PIEZO2: variants seen among roughly 807,000 people sequenced by gnomAD.
PIEZO2 encodes piezo-type mechanosensitive ion channel component 2.
Under a neutral mutation model 337.3 loss-of-function variants are expected in PIEZO2, and 172 were observed. The ratio of observed to expected loss-of-function variants is 0.51; its 90% CI spans 0.45 to 0.58. PIEZO2 has a LOEUF of 0.58. Among genes scored for constraint, PIEZO2 ranks in the 20% least tolerant of loss-of-function variants. The pLI is 0.00. For synonymous variants in PIEZO2, 1,251 were observed against 1,228.5 expected (o/e 1.02, Z -0.38); for missense variants, 3,028 against 3,391.3 (o/e 0.89, Z 2.66).
intron 2 of PIEZO2, among the ~76,000 whole-genome samples, chr18:11,014,532 C>A (rs1322415537): frequency 1.4e-5 from 2 of 143,212 alleles, no homozygotes; most frequent in African/African-American, 5.3e-5. Flanking sequence ...CTGTGTGGGA[C>A]AGCGATCCAG....
Position 10,888,358 on chromosome 18 carries a change from A to G in PIEZO2, c.330-16943T>C, listed in dbSNP as rs115832587. Among the ~76,000 whole-genome samples the G allele has an allele frequency of 3.6e-3, 550 of 152,168 alleles. 4 individuals carry two copies. The highest frequency in any genetic ancestry group is 0.013 in the African/African-American group (520 of 41,520). ...CTTGTCATTCACTGTGCATTCTTCT[A>G]CTTTCTGACACAGTAAGGTTTTTAG... is the stretch of plus-strand genomic sequence containing the variant. On this transcript the variant is annotated intron_variant, in intron 4 of 55. Coordinates refer to ENST00000674853, the MANE Select transcript of PIEZO2 (RefSeq NM_001378183.1). This position sits in a 1 kb window ranked among gnomAD's most constrained non-coding sequence, Gnocchi z 4.1.
intron 4 of PIEZO2, among the ~76,000 whole-genome samples, chr18:10,883,086 C>T (rs1025603445): frequency 6.6e-6 from 1 of 152,160 alleles, no homozygotes; most frequent in Non-Finnish European, 1.5e-5. Flanking sequence ...ATCCGCCCAA[C>T]TCAGCCTCCC....
chr18:10,725,391 C>T (rs1288100283), intron 36 of PIEZO2: 3 of 1,605,610 alleles, frequency 1.9e-6, no homozygotes, highest in Admixed American at 3.3e-5. Context: ...GAACAGCCGG[C>T]CCACATTGGC....
rs1231336584 is a variant in PIEZO2, at chr18:10,833,188, T to A, written c.917+22165A>T. On this transcript the variant is annotated intron_variant, in intron 7 of 55. Coordinates refer to ENST00000674853, the MANE Select transcript of PIEZO2 (RefSeq NM_001378183.1). The surrounding 1 kb of genome is among the most constrained non-coding windows in gnomAD (Gnocchi z 4.7). ...CAGTGGCAGGATGGGGCAGTCGTCA[T>A]GAACATGGCACATGGAGCATGGTTG... 6.6e-6 allele frequency among the ~76,000 whole-genome samples: 1 copy of A among 152,126 alleles called. No individual in the cohort carries two copies. Among genetic ancestry groups the A allele is most frequent in the Non-Finnish European group, 1.5e-5 (1 of 68,016 alleles).
In PIEZO2 at chr18:11,097,024, A is replaced by T. The variant is rs1433192448; in HGVS notation, c.65-30802T>A. The stretch of plus-strand genomic sequence containing the variant: ...GGCTTTTCCTCTAGGACACTGTCAG[A>T]TAAAAATAGCTAATGAGTTAAGTCT... On this transcript the variant is annotated intron_variant, in intron 1 of 55. Transcript: ENST00000674853. This position sits in a 1 kb window ranked among gnomAD's most constrained non-coding sequence, Gnocchi z 5.0. Among the ~76,000 whole-genome samples the T allele has an allele frequency of 5.3e-5, 8 of 152,226 alleles. No homozygotes were observed. Among genetic ancestry groups the T allele is most frequent in the Non-Finnish European group, 1.2e-4 (8 of 68,046 alleles).
intron 3 of PIEZO2, among the ~76,000 whole-genome samples, chr18:10,922,901 A>AT (rs2031515356): frequency 6.6e-6 from 1 of 152,186 alleles, no homozygotes; most frequent in Non-Finnish European, 1.5e-5. Context: ...ACTTAAGCAT[A>AT]TGGCCATGTT....
intron 1 of PIEZO2, among the ~76,000 whole-genome samples, chr18:11,147,875 T>C (rs1023218096): frequency 3.9e-5 from 6 of 152,226 alleles, no homozygotes; most frequent in Admixed American, 6.5e-5. Context: ...TCTAACCCTT[T>C]AAAATCTGGA....
At chr18:10,806,824 A>G (rs1252470981) in intron 8 of PIEZO2, among the ~76,000 whole-genome samples, 1 of 152,246 alleles carries the variant, frequency 6.6e-6, no homozygotes, top group Non-Finnish European at 1.5e-5. Context: ...GAGATAATGT[A>G]TGACATGGCA....
chr18:10,725,437 A>G, intron 36 of PIEZO2: 1 of 1,597,284 alleles, frequency 6.3e-7, no homozygotes, highest in Non-Finnish European at 8.6e-7. Context: ...TACTGGTTGG[A>G]GGGCATGCTG....
At chr18:11,067,339 A>G (rs946971845) in intron 1 of PIEZO2, among the ~76,000 whole-genome samples, 1 of 152,234 alleles carries the variant, frequency 6.6e-6, no homozygotes, top group Non-Finnish European at 1.5e-5. Context: ...CTATTAGGCC[A>G]ATGGAGAAAT....
chr18:10,791,908 T>C (rs1351213405), intron 13 of PIEZO2, among the ~76,000 whole-genome samples: 3 of 152,228 alleles, frequency 2.0e-5, no homozygotes, highest in Non-Finnish European at 4.4e-5. Flanking sequence ...GGAACTCTAT[T>C]GTTTAGGAAA....
intron 2 of PIEZO2, among the ~76,000 whole-genome samples, chr18:11,036,438 G>A (rs1045387744): frequency 6.6e-5 from 10 of 151,976 alleles, no homozygotes; most frequent in Non-Finnish European, 1.3e-4. Context: ...CACCTCCCCC[G>A]GTAAAGCTGC....
intron 7 of PIEZO2, among the ~76,000 whole-genome samples, chr18:10,843,087 A>G (rs151085777): frequency 5.9e-5 from 9 of 152,352 alleles, no homozygotes; most frequent in Non-Finnish European, 1.2e-4. Context: ...ATCTTGGTAT[A>G]TTTATTCTCA....
chr18:10,685,408 G>A (rs578063209), intron 49 of PIEZO2, among the ~76,000 whole-genome samples: 1 of 152,300 alleles, frequency 6.6e-6, no homozygotes, highest in East Asian at 1.9e-4. Flanking sequence ...GCATAGGATG[G>A]AAGTATATAC....
chr18:10,935,420 G>A lies in PIEZO2; in HGVS notation c.287-24192C>T, dbSNP rs184711095. ...AGGAGTTGGGGATGAAAATAACAAC[G>A]GAGGTAGATTTTGTTCCCTTTAAAG... On this transcript the variant is annotated intron_variant, in intron 3 of 55. Coordinates refer to ENST00000674853, the MANE Select transcript of PIEZO2 (RefSeq NM_001378183.1). Among the ~76,000 whole-genome samples, 6 of 152,306 alleles carry A rather than the reference G, an allele frequency of 3.9e-5. No individual in the cohort carries two copies. In the East Asian group the frequency reaches 5.8e-4, roughly 15 times the overall value.
intron 2 of PIEZO2, among the ~76,000 whole-genome samples, chr18:11,006,516 C>T (rs2035726203): frequency 6.6e-6 from 1 of 152,140 alleles, no homozygotes; most frequent in South Asian, 2.1e-4. Flanking sequence ...GGAACAAGCA[C>T]TCTTTGCCTC....
chr18:10,674,662 G>A (rs746741855), intron 54 of PIEZO2, among the ~76,000 whole-genome samples: 2 of 152,198 alleles, frequency 1.3e-5, no homozygotes, highest in Non-Finnish European at 2.9e-5. Context: ...GGTTTTCCGC[G>A]TTGTCCAGAT....
intron 49 of PIEZO2, among the ~76,000 whole-genome samples, chr18:10,684,444 C>G (rs1258443133): frequency 1.4e-5 from 2 of 143,406 alleles, no homozygotes; most frequent in Non-Finnish European, 3.0e-5. Context: ...GGATTACAAG[C>G]GTGAACCACT....
chr18:11,066,081 T>C, intron 2 of PIEZO2, 46 bp downstream of exon 2: 1 of 1,443,796 alleles, frequency 6.9e-7, no homozygotes, highest in Non-Finnish European at 9.4e-7. Flanking sequence ...GCAAAATACA[T>C]TCAGACTGTA....
Sources: allele counts gnomAD v4.1 joint callset (sites outside exome capture counted in the v4.1 genomes callset), GRCh38; gene constraint gnomAD v4.1.1; non-coding constraint Gnocchi (gnomAD v3.1); transcripts MANE v1.5; gene names NCBI Gene and HGNC (gene_info 2026-07-23, HGNC 2026-07-21).